RAB10: variants seen among roughly 807,000 people sequenced by gnomAD.
RAB10 encodes the protein ras-related protein Rab-10.
In RAB10, 5 loss-of-function variants were observed where a neutral mutation model predicts 25.7. That is an observed-to-expected ratio of 0.19 (90% CI 0.10 to 0.41). The LOEUF is 0.41. Among genes scored for constraint, RAB10 ranks in the 10% least tolerant of loss-of-function variants. The pLI, the probability that RAB10 is intolerant of heterozygous loss-of-function variation, is 1.00. For synonymous variants in RAB10, 89 were observed against 86.4 expected (o/e 1.03, Z -0.16); for missense variants, 103 against 245.8 (o/e 0.42, Z 3.89).
At chr2:26,076,491 C>T (rs764175423) in intron 1 of RAB10, among the ~76,000 whole-genome samples, 1 of 152,148 alleles carries the variant, frequency 6.6e-6, no homozygotes, top group Non-Finnish European at 1.5e-5. Context: ...CTGATAAGGA[C>T]ATAAGATACT....
At chr2:26,068,610 CAG>C (rs1164213783) in intron 1 of RAB10, among the ~76,000 whole-genome samples, 2 of 152,066 alleles carry the variant, frequency 1.3e-5, no homozygotes, top group Non-Finnish European at 2.9e-5. Flanking sequence ...AGCCAAGAGA[CAG>C]AGTTCTGATC....
chr2:26,118,495 GAAC>G (rs1306043876), intron 3 of RAB10, among the ~76,000 whole-genome samples: 5 of 151,986 alleles, frequency 3.3e-5, no homozygotes, highest in Non-Finnish European at 7.4e-5. Context: ...TCAAATATCA[GAAC>G]AACTATGAGG....
intron 2 of RAB10, among the ~76,000 whole-genome samples, chr2:26,108,891 T>G (rs1363922536): frequency 6.8e-6 from 1 of 147,372 alleles, no homozygotes; most frequent in Non-Finnish European, 1.5e-5. Context: ...ATTTATTTAT[T>G]TATTTATTTA....
rs1255067125 is a variant in RAB10 at position 26,133,119 on chromosome 2, A to T, written c.520-1819A>T. ...AGCTCTAAGGGCAAGTAGCAGTGTC[A>T]CTTCAGTATGAGTTAACTAGGCTTG... On this transcript the variant is annotated intron_variant, in intron 5 of 5. Coordinates refer to ENST00000264710, the MANE Select transcript of RAB10 (RefSeq NM_016131.5). Among the ~76,000 whole-genome samples, 4 of 152,198 alleles carry T rather than the reference A, an allele frequency of 2.6e-5. No homozygotes were observed. The East Asian group carries it at 7.7e-4, about 29-fold the overall frequency.
chr2:26,037,681 G>A (rs1665793294), intron 1 of RAB10, among the ~76,000 whole-genome samples: 1 of 151,984 alleles, frequency 6.6e-6, no homozygotes, highest in Admixed American at 6.6e-5. Flanking sequence ...TACCACATAG[G>A]GTAGTTGTGA....
chr2:26,079,806 C>T (rs1666828934), intron 1 of RAB10, among the ~76,000 whole-genome samples: 1 of 152,138 alleles, frequency 6.6e-6, no homozygotes, highest in African/African-American at 2.4e-5. Flanking sequence ...GCTGGGACTA[C>T]AGGCATGTGC....
At chr2:26,037,928 C>G (rs1459450237) in intron 1 of RAB10, among the ~76,000 whole-genome samples, 1 of 151,990 alleles carries the variant, frequency 6.6e-6, no homozygotes, top group African/African-American at 2.4e-5. Flanking sequence ...TTCTTTTTGC[C>G]CAGGCTGGAG....
intron 1 of RAB10, among the ~76,000 whole-genome samples, chr2:26,075,492 T>C (rs1666713224): frequency 4.9e-5 from 3 of 60,670 alleles, no homozygotes; most frequent in African/African-American, 1.6e-4. Context: ...GCAGATGTTT[T>C]GTCTCTCTGA....
Position 26,096,410 on chromosome 2 carries a change from CTGGATGGATGGCTGGCTGGCTGGATGGA to C in RAB10, c.128-2240_128-2213del, listed in dbSNP as rs1410825081. Among the ~76,000 whole-genome samples the C allele has an allele frequency of 1.0e-4, 13 of 125,988 alleles. No homozygotes were observed. The South Asian group carries it at 2.2e-3, about 21-fold the overall frequency. The allele number at this position is 125,988 out of a possible 152,430, so 82.7% of individuals were successfully genotyped here. A position where few individuals can be genotyped will look rare whatever the true frequency, so the allele number is the denominator to read the frequency against. ...AGTGGGTGGGTGGGCGGATGGATGG[CTGGATGGATGGCTGGCTGGCTGGATGGA>C]TGGATGGATGGATGGATGGATGGAT... On this transcript the variant is annotated intron_variant, in intron 1 of 5. Coordinates refer to ENST00000264710, the MANE Select transcript of RAB10 (RefSeq NM_016131.5).
At chr2:26,035,000 C>T (rs1345240872) in intron 1 of RAB10, among the ~76,000 whole-genome samples, 1 of 152,198 alleles carries the variant, frequency 6.6e-6, no homozygotes, top group African/African-American at 2.4e-5. Flanking sequence ...GTTCCAGAAC[C>T]TTATTTCTTC....
intron 5 of RAB10, among the ~76,000 whole-genome samples, 169 bp downstream of exon 5, chr2:26,128,120 A>G (rs1667939010): frequency 6.6e-6 from 1 of 152,060 alleles, no homozygotes; most frequent in Admixed American, 6.6e-5. Flanking sequence ...CATGGAAGAT[A>G]ATTTTTCCAT....
At chr2:26,083,316 T>TA (rs1054680417) in intron 1 of RAB10, among the ~76,000 whole-genome samples, 2 of 152,178 alleles carry the variant, frequency 1.3e-5, no homozygotes, top group African/African-American at 2.4e-5. Flanking sequence ...TAAGTGAATG[T>TA]AACAGGTTGC....
At chr2:26,111,020 A>G (rs962672996) in intron 3 of RAB10, among the ~76,000 whole-genome samples, 2 of 152,094 alleles carry the variant, frequency 1.3e-5, no homozygotes, top group African/African-American at 4.8e-5. Flanking sequence ...GTTACTTTTT[A>G]TAAGTTAAAA....
intron 5 of RAB10, among the ~76,000 whole-genome samples, chr2:26,129,206 G>T (rs1404735323): frequency 6.7e-6 from 1 of 149,634 alleles, no homozygotes; most frequent in East Asian, 2.0e-4. Context: ...GGAGTCAGAG[G>T]TTGCAGTGAG....
intron 1 of RAB10, among the ~76,000 whole-genome samples, chr2:26,064,809 G>A (rs1398252854): frequency 6.6e-6 from 1 of 152,132 alleles, no homozygotes; most frequent in Non-Finnish European, 1.5e-5. Flanking sequence ...CACTTTGGGA[G>A]GCTGAAGTGG....
At chr2:26,087,824 A>G (rs1422127530) in intron 1 of RAB10, among the ~76,000 whole-genome samples, 3 of 152,258 alleles carry the variant, frequency 2.0e-5, no homozygotes, top group Non-Finnish European at 2.9e-5. Flanking sequence ...TGCCAGGCAC[A>G]TTGTAAAATG....
intron 1 of RAB10, among the ~76,000 whole-genome samples, chr2:26,045,844 G>A (rs1041904581): frequency 1.3e-5 from 2 of 152,018 alleles, no homozygotes; most frequent in African/African-American, 4.8e-5. Flanking sequence ...AGCCACCAAG[G>A]CCAGCTTTTT....
chr2:26,108,878 TATATTTA>T (rs1667517098), intron 2 of RAB10, among the ~76,000 whole-genome samples: 1 of 90,964 alleles, frequency 1.1e-5, no homozygotes, highest in Non-Finnish European at 2.3e-5. Flanking sequence ...TCTTTTGCTT[TATATTTA>T]TTTATTTATT....
chr2:26,053,681 T>G (rs1196972990), intron 1 of RAB10, among the ~76,000 whole-genome samples: 1 of 152,174 alleles, frequency 6.6e-6, no homozygotes, highest in Non-Finnish European at 1.5e-5. Context: ...ATGCTTTTGC[T>G]TTCCTTAAAT....
Sources: allele counts gnomAD v4.1 joint callset (sites outside exome capture counted in the v4.1 genomes callset), GRCh38; gene constraint gnomAD v4.1.1; transcripts MANE v1.5; gene names NCBI Gene and HGNC (gene_info 2026-07-23, HGNC 2026-07-21).